Variants in CD86 observed in about 807,000 individuals in gnomAD.
CD86 encodes the protein T-lymphocyte activation antigen CD86.
A neutral mutation model predicts 32.1 loss-of-function variants in CD86; 11 were observed. That is an observed-to-expected ratio of 0.34 (90% CI 0.22 to 0.57). The LOEUF (loss-of-function observed/expected upper bound fraction) is 0.57. CD86 is among the 20% of genes least tolerant of loss of function. CD86 has a pLI of 0.86. For missense variants in CD86, 359 were observed against 398.4 expected (o/e 0.90, Z 0.84); for synonymous variants, 137 against 135.3 (o/e 1.01, Z -0.09).
In CD86 at chr3:122,121,105, G is replaced by T. The variant is rs977818228; in HGVS notation, c.*1571G>T. Reference sequence around the variant, plus strand: ...GCTAGTTTCTAACATGTTTTGTGCAGCACAGTTTTTAATAAATGCTTGTTA... The same window carrying T: ...GCTAGTTTCTAACATGTTTTGTGCATCACAGTTTTTAATAAATGCTTGTTA... On this transcript the variant is annotated 3_prime_UTR_variant, in exon 7 of 7. Transcript: ENST00000330540. 6 of 152,200 alleles carry T rather than the reference G, an allele frequency of 3.9e-5. No homozygotes were observed. The highest frequency in any genetic ancestry group is 1.4e-4 in the African/African-American group (6 of 41,452). 9.4% of individuals were successfully genotyped at this position (152,200 alleles called of 1,614,324 possible).
At chr3:122,078,692 C>G (rs187451016) in intron 1 of CD86, among the ~76,000 whole-genome samples, 5 of 152,218 alleles carry the variant, frequency 3.3e-5, no homozygotes. Context: ...TACGGTGAAC[C>G]TATTTGCATT....
At chr3:122,088,512 C>A (rs966885562) in intron 1 of CD86, among the ~76,000 whole-genome samples, 10 of 152,150 alleles carry the variant, frequency 6.6e-5, no homozygotes, top group Non-Finnish European at 1.2e-4. Flanking sequence ...TGTCTCCCTC[C>A]CTTCCAGCCA....
intron 1 of CD86, among the ~76,000 whole-genome samples, chr3:122,087,828 T>C (rs933028591): frequency 6.6e-6 from 1 of 152,038 alleles, no homozygotes; most frequent in Non-Finnish European, 1.5e-5. Context: ...AAAACTAGTA[T>C]TGACGGAAGG....
At chr3:122,075,388 G>A (rs370699346) in intron 1 of CD86, among the ~76,000 whole-genome samples, 3 of 152,150 alleles carry the variant, frequency 2.0e-5, no homozygotes, top group African/African-American at 7.2e-5. Flanking sequence ...ATTTGGAAGG[G>A]TTTATATAAA....
At chr3:122,099,066 G>A (rs2072954893) in intron 2 of CD86, among the ~76,000 whole-genome samples, 1 of 152,166 alleles carries the variant, frequency 6.6e-6, no homozygotes, top group African/African-American at 2.4e-5. Context: ...CTTGACAGTT[G>A]AATCCGTGGG....
chr3:122,067,445 T>C (rs2072431016), intron 1 of CD86, among the ~76,000 whole-genome samples: 1 of 152,150 alleles, frequency 6.6e-6, no homozygotes, highest in South Asian at 2.1e-4. Flanking sequence ...ATATGTAAAA[T>C]CCAAGGTATG....
At chr3:122,063,612 A>T (rs66465183) in intron 1 of CD86, among the ~76,000 whole-genome samples, 3,183 of 85,218 alleles carry the variant, frequency 0.037, 38 homozygotes, top group Non-Finnish European at 0.052. Flanking sequence ...TTTTTTTTTT[A>T]AAGACAGAGT....
intron 1 of CD86, among the ~76,000 whole-genome samples, chr3:122,067,251 C>T (rs367756094): frequency 1.3e-5 from 2 of 152,090 alleles, no homozygotes; most frequent in Non-Finnish European, 2.9e-5. Flanking sequence ...GAGTAAGGCG[C>T]GGGTCTTTAA....
At chr3:122,116,446 C>T (rs2073252258) in intron 5 of CD86, among the ~76,000 whole-genome samples, 1 of 152,128 alleles carries the variant, frequency 6.6e-6, no homozygotes. Flanking sequence ...TACCACTGCA[C>T]ACCCTCTAGA....
intron 2 of CD86, chr3:122,092,191 A>G (rs1189557675): frequency 2.6e-5 from 4 of 152,416 alleles, no homozygotes; most frequent in African/African-American, 9.7e-5. Context: ...CCTGACAACT[A>G]TGGATGTTCA....
At chr3:122,095,171 ATTTTTT>A (rs4048621) in intron 2 of CD86, among the ~76,000 whole-genome samples, 1 of 130,944 alleles carries the variant, frequency 7.6e-6, no homozygotes, top group Non-Finnish European at 1.6e-5. Context: ...TCACTTTAAG[ATTTTTT>A]TTTTTTTTTT....
intron 5 of CD86, 55 bp downstream of exon 5, chr3:122,109,463 CG>C: frequency 2.5e-6 from 4 of 1,597,214 alleles, no homozygotes; most frequent in Non-Finnish European, 3.4e-6. Flanking sequence ...ACTTCCCAAT[CG>C]GCTGGCTGCC....
intron 1 of CD86, 103 bp downstream of exon 1, chr3:122,055,606 C>A: frequency 3.8e-6 from 4 of 1,042,498 alleles, no homozygotes; most frequent in Non-Finnish European, 5.9e-6. Flanking sequence ...TCACTTAGTT[C>A]CTAAGTGGAG....
rs1188966358 is a variant in CD86, at chr3:122,101,511, AAAATATATATAT to A, written c.65-1999_65-1988del. Among the ~76,000 whole-genome samples the A allele has an allele frequency of 3.8e-3, 95 of 24,924 alleles. 3 individuals carry two copies. Among genetic ancestry groups the A allele is most frequent in the South Asian group, 0.018 (12 of 676 alleles). 16.4% of individuals were successfully genotyped at this position (24,924 alleles called of 152,430 possible). A position where few individuals can be genotyped will look rare whatever the true frequency, so the allele number is the denominator to read the frequency against. ...GGCTCTACAGAAAAAAAAAAAAAAA[AAAATATATATAT>A]ATATATATATATATATATGTAAATC... On this transcript the variant is annotated intron_variant, in intron 2 of 6. Coordinates refer to ENST00000330540, the MANE Select transcript of CD86 (RefSeq NM_175862.5).
At chr3:122,116,464 A>G (rs2073252494) in intron 5 of CD86, among the ~76,000 whole-genome samples, 1 of 152,182 alleles carries the variant, frequency 6.6e-6, no homozygotes, top group African/African-American at 2.4e-5. Context: ...AGAATGGCTA[A>G]AATTAAAAGG....
intron 1 of CD86, among the ~76,000 whole-genome samples, chr3:122,057,318 T>C (rs2072251861): frequency 1.3e-5 from 2 of 152,220 alleles, no homozygotes; most frequent in African/African-American, 4.8e-5. Context: ...CTTGCTATTG[T>C]TTCTAATAAG....
At chr3:122,091,908 A>G in intron 2 of CD86, 1 of 471,088 alleles carries the variant, frequency 2.1e-6, no homozygotes, top group Non-Finnish European at 3.9e-6. Flanking sequence ...GTGAGCCTAG[A>G]TGCTCAGAGT....
intron 4 of CD86, among the ~76,000 whole-genome samples, chr3:122,107,478 A>T (rs1205354817): frequency 6.6e-6 from 1 of 152,154 alleles, no homozygotes; most frequent in African/African-American, 2.4e-5. Flanking sequence ...CACTAATAGG[A>T]GCCTGACATT....
chr3:122,102,924 C>T (rs1254543882), intron 2 of CD86, among the ~76,000 whole-genome samples: 1 of 136,810 alleles, frequency 7.3e-6, no homozygotes, highest in African/African-American at 3.2e-5. Context: ...GTAAAGGGAG[C>T]TATTTGAATT....
Sources: gnomAD v4.1 joint callset for allele counts (sites outside exome capture counted in the v4.1 genomes callset) on GRCh38, gnomAD v4.1.1 for gene constraint, MANE v1.5 for transcripts, NCBI Gene and HGNC (gene_info 2026-07-23, HGNC 2026-07-21) for gene names.